The following ANK3 variants were observed in gnomAD, a reference collection of about 807,000 sequenced individuals.
The protein encoded by ANK3 is ankyrin-3.
In ANK3, 57 loss-of-function variants were observed where a neutral mutation model predicts 370.9. That is an observed-to-expected ratio of 0.15 (90% CI 0.12 to 0.19). The LOEUF is 0.19. ANK3 is among the 10% of genes least tolerant of loss of function. The pLI is 1.00. For missense variants in ANK3, 4,439 were observed against 5,302.1 expected, an observed-to-expected ratio of 0.84 and a Z score of 5.06; for synonymous variants, 1,929 against 1,946.3, an observed-to-expected ratio of 0.99 and a Z score of 0.23.
At chr10:60,083,348 G>T in intron 33 of ANK3, 144 bp downstream of exon 33, 1 of 823,374 alleles carries the variant, frequency 1.2e-6, no homozygotes, top group Non-Finnish European at 1.9e-6. Flanking sequence ...GTATACTCTG[G>T]TAGAACCAGA....
Position 60,070,729 on chromosome 10 carries a change from C to G in ANK3, c.10152G>C (p.Gln3384His), listed in dbSNP as rs778769380. ...TGATGGACTGGTCGTTGTTCCCATT[C>G]TGGGCAATTTCATTCTGAGGTGAAT... is the stretch of plus-strand genomic sequence containing the variant. ...GLDSPQNEIA[Q>H]NGNNDQSITE... is the part of the protein sequence containing the mutation. The change falls in exon 37 of 44, where the codon CAG becomes CAC. Residue 3384 changes from glutamine to histidine, a missense_variant. Gln to His is a conservative substitution (Grantham distance 24). This residue lies in a region of ANK3 where 1,601 missense variants were observed against 1,731.7 expected (regional missense o/e 0.92). Transcript: ENST00000280772. The surrounding 1 kb of genome is among the most constrained non-coding windows in gnomAD (Gnocchi z 5.7). 14 of 1,614,076 alleles carry G rather than the reference C, an allele frequency of 8.7e-6. No homozygotes were observed. The East Asian group carries it at 2.9e-4, about 33-fold the overall frequency.
intron 1 of ANK3, among the ~76,000 whole-genome samples, chr10:60,656,483 G>T (rs76301852): frequency 0.043 from 6,524 of 151,504 alleles, 179 homozygotes; most frequent in Middle Eastern, 0.076. Flanking sequence ...TTCCCTCTAT[G>T]GTTTGTCTTT....
intron 6 of ANK3, among the ~76,000 whole-genome samples, chr10:60,262,819 G>C (rs947911441): frequency 3.3e-5 from 5 of 152,114 alleles, no homozygotes; most frequent in Admixed American, 3.3e-4. Flanking sequence ...TTTAGATATA[G>C]CTGATAAACA....
At position 60,075,930 on chromosome 10, in the gene ANK3, T is replaced by C. The variant is rs2083690890; in HGVS notation, c.4951A>G (p.Ile1651Val). 2 of 1,614,116 alleles carry C rather than the reference T, an allele frequency of 1.2e-6. No individual in the cohort carries two copies. Among genetic ancestry groups the C allele is most frequent in the Non-Finnish European group, 1.7e-6 (2 of 1,180,018 alleles). ...GGCAAACTTGAGGAATACATATTAATGTTTGATTTGGGGGAGGCAGGGGGT... is the reference window on the plus strand; with the variant it reads ...GGCAAACTTGAGGAATACATATTAACGTTTGATTTGGGGGAGGCAGGGGGT... ...MTPPASPKSN[I>V]NMYSSSLPFK... The change falls in exon 37 of 44, where the codon ATT (isoleucine) becomes GTT (valine). Residue 1651 changes from isoleucine (I) to valine (V), a missense_variant. By Grantham distance (29) the Ile-to-Val change is conservative (BLOSUM62 3). This residue lies in a region of ANK3 where 679 missense variants were observed against 791.0 expected (regional missense o/e 0.86). Coordinates refer to ENST00000280772, the MANE Select transcript of ANK3 (RefSeq NM_020987.5).
chr10:60,556,660 A>C (rs1021194657), intron 2 of ANK3, among the ~76,000 whole-genome samples: 3 of 152,246 alleles, frequency 2.0e-5, no homozygotes, highest in African/African-American at 4.8e-5. Flanking sequence ...CCAAAAGAGT[A>C]ATATGTAATG....
At chr10:60,432,068 G>A (rs1045542915) in intron 2 of ANK3, among the ~76,000 whole-genome samples, 1 of 152,162 alleles carries the variant, frequency 6.6e-6, no homozygotes, top group Non-Finnish European at 1.5e-5. Context: ...TCTGATGGCT[G>A]TTTGCCATCC....
intron 8 of ANK3, among the ~76,000 whole-genome samples, chr10:60,215,010 CTCCCCAGCA>C (rs1033416705): frequency 2.0e-5 from 3 of 152,124 alleles, no homozygotes; most frequent in African/African-American, 7.2e-5. Context: ...TCTTCACAGC[CTCCCCAGCA>C]TCTATTGTTT....
intron 2 of ANK3, among the ~76,000 whole-genome samples, chr10:60,469,089 ATATATACCACTTTTAG>A: frequency 7.2e-5 from 2 of 27,618 alleles, no homozygotes; most frequent in Non-Finnish European, 1.5e-4. Flanking sequence ...ATATATATAT[ATATATACCACTTTTAG>A]TATATATATA....
intron 18 of ANK3, among the ~76,000 whole-genome samples, chr10:60,178,225 T>C (rs1013618267): frequency 3.9e-5 from 6 of 152,228 alleles, no homozygotes; most frequent in African/African-American, 1.4e-4. Context: ...GTTCCCATGA[T>C]ATTGAACAAG....
At chr10:60,278,677 G>T in intron 4 of ANK3, 97 bp downstream of exon 4, 1 of 965,646 alleles carries the variant, frequency 1.0e-6, no homozygotes, top group Non-Finnish European at 1.7e-6. Context: ...TAAGTATTCT[G>T]TTCTTAGAGG....
chr10:60,240,036 C>CACATATATATACATATATACACATATAT (rs1459459821), intron 7 of ANK3, among the ~76,000 whole-genome samples: 5 of 120,324 alleles, frequency 4.2e-5, no homozygotes, highest in East Asian at 2.0e-4. Context: ...CATATATATA[C>CACATATATATACATATATACACATATAT]ACATATATAT....
intron 21 of ANK3, among the ~76,000 whole-genome samples, chr10:60,169,954 C>T (rs1201673555): frequency 1.3e-5 from 2 of 152,134 alleles, no homozygotes; most frequent in Non-Finnish European, 1.5e-5. Flanking sequence ...TTTTGACACT[C>T]TAAGATGTTC....
intron 2 of ANK3, among the ~76,000 whole-genome samples, chr10:60,588,745 G>C (rs1465055462): frequency 1.3e-5 from 1 of 78,856 alleles, no homozygotes. Flanking sequence ...TGTCTCTACA[G>C]AAAATAAAAA....
chr10:60,116,951 G>A (rs371035241), intron 25 of ANK3, among the ~76,000 whole-genome samples: 1 of 152,146 alleles, frequency 6.6e-6, no homozygotes, highest in South Asian at 2.1e-4. Context: ...GACAAAGACA[G>A]GGTCTATAAA....
rs191022946 is a variant in ANK3 at position 60,631,661 on chromosome 10, A to G, written c.58-16437T>C. On this transcript the variant is annotated intron_variant, in intron 1 of 43. Transcript: ENST00000373827. ...ACATGCATCAAAATTATACACGGAA[A>G]TTGTTAAATCATCAAAAGTATAAAA... is the stretch of plus-strand genomic sequence containing the variant. Among the ~76,000 whole-genome samples the G allele has an allele frequency of 2.8e-4, 43 of 152,326 alleles. No individual in the cohort carries two copies. In the East Asian group the frequency reaches 7.1e-3, roughly 25 times the overall value.
At chr10:60,705,281 A>G (rs1564591724) in intron 1 of ANK3, among the ~76,000 whole-genome samples, 1 of 152,330 alleles carries the variant, frequency 6.6e-6, no homozygotes, top group Admixed American at 6.5e-5. Context: ...AGAAGGGAAG[A>G]CAAGTTACTT....
At position 60,389,730 on chromosome 10, in the gene ANK3, C is replaced by T. The variant is rs41283534; in HGVS notation, c.-192G>A. On this transcript the variant is annotated 5_prime_UTR_variant, in exon 1 of 44. Coordinates refer to ENST00000280772, the MANE Select transcript of ANK3 (RefSeq NM_020987.5). ...TTTTAAAAACCCAAATGATGGTGTC[C>T]GGACTTCATCCTACACCTTCCTCTA... is the stretch of plus-strand genomic sequence containing the variant. 3.6e-5 allele frequency: 51 copies of T among 1,424,650 alleles called. No homozygotes were observed. The highest frequency in any genetic ancestry group is 4.7e-4 in the Middle Eastern group (2 of 4,264). 88.3% of individuals were successfully genotyped at this position (1,424,650 alleles called of 1,614,324 possible). A position where few individuals can be genotyped will look rare whatever the true frequency, so the allele number is the denominator to read the frequency against.
intron 23 of ANK3, among the ~76,000 whole-genome samples, chr10:60,149,113 T>C (rs2094966810): frequency 6.6e-6 from 1 of 152,226 alleles, no homozygotes; most frequent in South Asian, 2.1e-4. Flanking sequence ...CATCCATTTA[T>C]TGGTTTGTTT....
rs1421645213 is a variant in ANK3, at chr10:60,348,380, CA to C, written c.114+41044del. On this transcript the variant is annotated intron_variant, in intron 1 of 43. Coordinates refer to ENST00000280772, the MANE Select transcript of ANK3 (RefSeq NM_020987.5). ...AAAAAAAAAAAAAAAACACAAAAAA[CA>C]AAAAAAACGAACTAACTGGCTGTCT... 7.4e-3 allele frequency among the ~76,000 whole-genome samples: 680 copies of C among 92,232 alleles called. 2 individuals are homozygous for C. The highest frequency in any genetic ancestry group is 0.016 in the South Asian group (48 of 2,994). 60.5% of individuals were successfully genotyped at this position (92,232 alleles called of 152,430 possible). A position where few individuals can be genotyped will look rare whatever the true frequency, so the allele number is the denominator to read the frequency against.
Sources: allele counts gnomAD v4.1 joint callset (sites outside exome capture counted in the v4.1 genomes callset), GRCh38; gene constraint gnomAD v4.1.1; regional missense constraint gnomAD v4.1.1; non-coding constraint Gnocchi (gnomAD v3.1); transcripts MANE v1.5; gene names NCBI Gene and HGNC (gene_info 2026-07-23, HGNC 2026-07-21).